STK33: variants seen among roughly 807,000 people sequenced by gnomAD.
The protein encoded by STK33 is serine/threonine kinase 33.
A neutral mutation model predicts 58.0 loss-of-function variants in STK33; 52 were observed. The ratio of observed to expected loss-of-function variants is 0.90; its 90% CI spans 0.72 to 1.13. STK33 has a LOEUF of 1.13. Among genes scored for constraint, STK33 ranks in the 50% most tolerant of loss-of-function variants. The pLI is 0.00. For missense variants in STK33, 630 were observed against 604.2 expected, an observed-to-expected ratio of 1.04 and a Z score of -0.45; for synonymous variants, 215 against 200.1, an observed-to-expected ratio of 1.07 and a Z score of -0.63.
chr11:8,339,061 G>C, the STK33 span, among the ~76,000 whole-genome samples: 7 of 152,190 alleles, frequency 4.6e-5, no homozygotes, highest in African/African-American at 1.7e-4. Flanking sequence ...GAAGCAGACA[G>C]ACAGATGGAA....
In STK33 at chr11:8,496,156, T is replaced by C. The variant is rs549418269; in HGVS notation, c.-465-15542A>G. On this transcript the variant is annotated intron_variant, in intron 1 of 15. Coordinates refer to ENST00000687296, the MANE Select transcript of STK33 (RefSeq NM_001352389.2). ...AAAAGGAAGGACAAAAAAAAAGAAG[T>C]GAACTTGATTTTCCAGGAGATTGCT... Among the ~76,000 whole-genome samples the C allele has an allele frequency of 7.9e-5, 12 of 151,844 alleles. No individual in the cohort carries two copies. In the South Asian group the frequency reaches 2.5e-3, roughly 32 times the overall value.
chr11:8,582,233 A>G (rs930887384), intron 1 of STK33, among the ~76,000 whole-genome samples: 7 of 152,324 alleles, frequency 4.6e-5, no homozygotes, highest in Admixed American at 2.6e-4. Context: ...TATGATACTC[A>G]GAGATCTCTA....
chr11:8,445,432 G>A (rs1009505741), intron 11 of STK33, among the ~76,000 whole-genome samples: 2 of 152,218 alleles, frequency 1.3e-5, no homozygotes, highest in East Asian at 3.8e-4. Flanking sequence ...TAGGAGTGGT[G>A]AGAGAGGGCA....
At chr11:8,540,992 CTCTATA>C (rs1305119153) in intron 1 of STK33, among the ~76,000 whole-genome samples, 1,862 of 137,664 alleles carry the variant, frequency 0.014, 26 homozygotes, top group South Asian at 0.052. Context: ...CTCTCTCTCT[CTCTATA>C]TATATATATA....
intron 1 of STK33, among the ~76,000 whole-genome samples, chr11:8,525,210 C>A (rs1170991601): frequency 1.3e-5 from 2 of 152,056 alleles, no homozygotes; most frequent in Non-Finnish European, 2.9e-5. Context: ...TCTATAAGAT[C>A]CCAATCAAAA....
At chr11:8,477,661 G>A (rs542140613) in intron 2 of STK33, among the ~76,000 whole-genome samples, 51 of 150,482 alleles carry the variant, frequency 3.4e-4, no homozygotes, top group African/African-American at 1.1e-3. Flanking sequence ...TTCATTTTAA[G>A]ATAGATTTTG....
chr11:8,588,017 T>C (rs2031989613), intron 1 of STK33, among the ~76,000 whole-genome samples: 1 of 152,126 alleles, frequency 6.6e-6, no homozygotes, highest in African/African-American at 2.4e-5. Context: ...ATCTGATGCT[T>C]GGTGGGGGTA....
intron 14 of STK33, among the ~76,000 whole-genome samples, chr11:8,423,023 G>A (rs991398250): frequency 6.7e-6 from 1 of 148,998 alleles, no homozygotes; most frequent in Non-Finnish European, 1.5e-5. Context: ...TAAATTTTTT[G>A]TAGGGACAGG....
At chr11:8,589,480 T>C (rs1048667103) in intron 1 of STK33, among the ~76,000 whole-genome samples, 2 of 152,186 alleles carry the variant, frequency 1.3e-5, no homozygotes, top group East Asian at 1.9e-4. Context: ...TAAAGACTGA[T>C]GTTTGCCAGG....
Position 8,440,767 on chromosome 11 carries a change from A to G in STK33, c.872-14T>C, listed in dbSNP as rs1375670327. The stretch of plus-strand genomic sequence containing the variant: ...TAACTTCAGGGGCTGCCAAACAAGC[A>G]GATATAAAATAACATTAATAATACA... On this transcript the variant is annotated splice_polypyrimidine_tract_variant and intron_variant, in intron 11 of 15. Transcript: ENST00000687296. The G allele has an allele frequency of 6.4e-7, 1 of 1,553,150 alleles. No homozygotes were observed. Among genetic ancestry groups the G allele is most frequent in the Non-Finnish European group, 8.7e-7 (1 of 1,147,004 alleles).
chr11:8,575,513 A>G (rs1188058726), intron 1 of STK33, among the ~76,000 whole-genome samples: 1 of 152,252 alleles, frequency 6.6e-6, no homozygotes, highest in Non-Finnish European at 1.5e-5. Context: ...CAAATATTGT[A>G]TAATTCTATT....
intron 1 of STK33, among the ~76,000 whole-genome samples, chr11:8,517,218 C>T (rs147228595): frequency 1.1e-4 from 17 of 152,344 alleles, no homozygotes; most frequent in African/African-American, 3.6e-4. Flanking sequence ...CCCAAGCAAA[C>T]AGGGTCTAGA....
chr11:8,341,149 A>C, the STK33 span, among the ~76,000 whole-genome samples: 2 of 152,136 alleles, frequency 1.3e-5, no homozygotes, highest in African/African-American at 4.8e-5. Flanking sequence ...GAGCCACTGC[A>C]CCCAGCCACG....
At chr11:8,486,570 T>C (rs1950208125) in intron 1 of STK33, among the ~76,000 whole-genome samples, 1 of 152,220 alleles carries the variant, frequency 6.6e-6, no homozygotes, top group Non-Finnish European at 1.5e-5. Context: ...TGAATTGTAC[T>C]TGGTCACCTC....
chr11:8,494,357 G>T (rs1366533091), intron 1 of STK33, among the ~76,000 whole-genome samples: 1 of 152,196 alleles, frequency 6.6e-6, no homozygotes, highest in Non-Finnish European at 1.5e-5. Context: ...GCTACAAAGA[G>T]AATAAAATAC....
At chr11:8,383,296 T>C in the STK33 span, among the ~76,000 whole-genome samples, 1 of 152,290 alleles carries the variant, frequency 6.6e-6, no homozygotes, top group African/African-American at 2.4e-5. Context: ...ATGTGGCAGC[T>C]GGAGAGGCCT....
At chr11:8,413,365 C>G in intron 15 of STK33, 130 bp downstream of exon 15, 1 of 983,876 alleles carries the variant, frequency 1.0e-6, no homozygotes, top group Non-Finnish European at 1.5e-6. Flanking sequence ...GCAGAAAGAA[C>G]TTTACTTGCT....
chr11:8,442,294 G>GA (rs1327630126), intron 11 of STK33, among the ~76,000 whole-genome samples: 1 of 152,058 alleles, frequency 6.6e-6, no homozygotes, highest in Non-Finnish European at 1.5e-5. Flanking sequence ...TTTAAATATG[G>GA]AATTTTTAAA....
chr11:8,443,670 G>GAAA (rs1945046011), intron 11 of STK33, among the ~76,000 whole-genome samples: 1 of 151,002 alleles, frequency 6.6e-6, no homozygotes, highest in African/African-American at 2.4e-5. Context: ...AAATAAGCCT[G>GAAA]ATAATAAATA....
Sources: gnomAD v4.1 joint callset for allele counts (sites outside exome capture counted in the v4.1 genomes callset) on GRCh38, gnomAD v4.1.1 for gene constraint, MANE v1.5 for transcripts, NCBI Gene and HGNC (gene_info 2026-07-23, HGNC 2026-07-21) for gene names.